The following BBS9 variants were observed in gnomAD, a reference collection of about 807,000 sequenced individuals.
The protein encoded by BBS9 is Bardet-Biedl syndrome 9, also known as protein PTHB1.
BBS9 carries 89 observed loss-of-function variants against 117.7 expected under a neutral mutation model. The ratio of observed to expected loss-of-function variants is 0.76; its 90% confidence interval spans 0.64 to 0.90. The LOEUF (loss-of-function observed/expected upper bound fraction) is 0.90. Ranked by LOEUF, BBS9 falls within the 40% of genes least tolerant of loss-of-function variation. The probability of loss-of-function intolerance (pLI) is 0.00; values close to 1 mark genes in which losing one functional copy is unlikely to be tolerated. For synonymous variants in BBS9, 379 were observed against 370.9 expected, an observed-to-expected ratio of 1.02 and a Z score of -0.25; for missense variants, 982 against 1,042.2, an observed-to-expected ratio of 0.94 and a Z score of 0.80.
At chr7:33,149,380 A>G (rs1767590771) in intron 2 of BBS9, among the ~76,000 whole-genome samples, 1 of 152,218 alleles carries the variant, frequency 6.6e-6, no homozygotes, top group Admixed American at 6.5e-5. Context: ...TTAGGTGATC[A>G]GACAGTGAGA....
chr7:33,442,401 G>T (rs1332770286), intron 19 of BBS9, among the ~76,000 whole-genome samples: 1 of 152,166 alleles, frequency 6.6e-6, no homozygotes, highest in Non-Finnish European at 1.5e-5. Context: ...TAAGTTGTTT[G>T]TAGAATACAG....
At chr7:33,577,526 A>G (rs1859124120) in intron 21 of BBS9, among the ~76,000 whole-genome samples, 1 of 152,226 alleles carries the variant, frequency 6.6e-6, no homozygotes, top group Admixed American at 6.5e-5. Context: ...TAGAAATACC[A>G]TTTGACCCAG....
In BBS9 at chr7:33,341,255, AT is replaced by A. The variant is rs1456501275; in HGVS notation, c.1275+290del. 6.6e-5 allele frequency among the ~76,000 whole-genome samples: 10 copies of A among 151,912 alleles called. 1 individual carries two copies. The East Asian group carries it at 1.4e-3, about 21-fold the overall frequency. On this transcript the variant is annotated intron_variant, in intron 11 of 22. Transcript: ENST00000242067. ...CCTAGTTCTAATCCTACTTAAAAAA[AT>A]TTTTTTTCAAACTTTCTTAGTACCA...
intron 16 of BBS9, among the ~76,000 whole-genome samples, chr7:33,365,012 A>G (rs1006131355): frequency 6.6e-6 from 1 of 151,524 alleles, no homozygotes. Flanking sequence ...TACTGCGCCC[A>G]GCTGTTTTCA....
At chr7:33,500,779 T>C (rs1387615913) in intron 19 of BBS9, among the ~76,000 whole-genome samples, 4 of 152,186 alleles carry the variant, frequency 2.6e-5, no homozygotes, top group Non-Finnish European at 5.9e-5. Context: ...TGCTTTCCTG[T>C]AACCAATTTT....
chr7:33,306,862 C>CT (rs1195204048), intron 9 of BBS9, among the ~76,000 whole-genome samples: 1 of 152,094 alleles, frequency 6.6e-6, no homozygotes, highest in African/African-American at 2.4e-5. Flanking sequence ...CCCTGTGACT[C>CT]TAGCATGATA....
At position 33,257,324 on chromosome 7, in the gene BBS9, C is replaced by A. The variant is rs113518488; in HGVS notation, c.531C>A (p.Gly177=). Residue 177 remains glycine (G), a synonymous_variant, in exon 6 of 23, where the codon GGC becomes GGA. Transcript: ENST00000242067. ...ATGCTTTTGGAAGATTTCTCCCTGG[C>A]TTTCTTCTGCCTGGTCCTCTTGCCT... ...ESYAFGRFLP[G]FLLPGPLAYS... is the part of the protein sequence containing the mutation. 1.4e-4 allele frequency: 222 copies of A among 1,613,832 alleles called. No individual in the cohort carries two copies. In the African/African-American group the frequency reaches 2.7e-3, roughly 19 times the overall value.
chr7:33,449,647 G>A (rs982366613), intron 19 of BBS9, among the ~76,000 whole-genome samples: 1 of 152,140 alleles, frequency 6.6e-6, no homozygotes, highest in South Asian at 2.1e-4. Flanking sequence ...GCATGTATCT[G>A]TGTTAGAGTA....
chr7:33,434,278 TAAAAA>T (rs36043262), intron 19 of BBS9, among the ~76,000 whole-genome samples: 1 of 132,684 alleles, frequency 7.5e-6, no homozygotes, highest in Non-Finnish European at 1.6e-5. Context: ...TCCTGTTTGC[TAAAAA>T]AAAAAAAAAA....
Position 33,177,476 on chromosome 7 carries a change from A to G in BBS9, c.329-2A>G. 6.4e-7 allele frequency: 1 copy of G among 1,565,624 alleles called. No individual in the cohort carries two copies. The highest frequency in any genetic ancestry group is 8.7e-7 in the Non-Finnish European group (1 of 1,147,604). On this transcript the variant is annotated splice_acceptor_variant, in intron 4 of 22. Coordinates refer to ENST00000242067, the MANE Select transcript of BBS9 (RefSeq NM_198428.3). LOFTEE classifies it high-confidence loss of function. ...AAGTAATCCTTTTTTTTTTTTCCTT[A>G]GGAACCTTGGGTAATGTGGAACATG...
chr7:33,251,560 A>G (rs1363337317), intron 5 of BBS9, among the ~76,000 whole-genome samples: 2 of 152,222 alleles, frequency 1.3e-5, no homozygotes, highest in Non-Finnish European at 2.9e-5. Flanking sequence ...AAAATTGTGT[A>G]AACAAAAGCA....
At chr7:33,195,071 T>C (rs1051745420) in intron 5 of BBS9, among the ~76,000 whole-genome samples, 1 of 152,190 alleles carries the variant, frequency 6.6e-6, no homozygotes, top group Middle Eastern at 3.2e-3. Flanking sequence ...TGTTATTTAA[T>C]TGCCTTGCTA....
chr7:33,332,449 C>T (rs1814295066), intron 9 of BBS9, among the ~76,000 whole-genome samples: 1 of 152,144 alleles, frequency 6.6e-6, no homozygotes, highest in Non-Finnish European at 1.5e-5. Flanking sequence ...GAGGCTGAGG[C>T]AGGTGGATCA....
At chr7:33,254,229 ACTTT>A (rs1796666604) in intron 5 of BBS9, among the ~76,000 whole-genome samples, 1 of 151,646 alleles carries the variant, frequency 6.6e-6, no homozygotes, top group Non-Finnish European at 1.5e-5. Flanking sequence ...CTAATTTACC[ACTTT>A]CTTTTTTTCT....
intron 21 of BBS9, among the ~76,000 whole-genome samples, chr7:33,557,538 T>C (rs1160220978): frequency 0.014 from 2 of 146 alleles, no homozygotes; most frequent in African/African-American, 0.067. Context: ...CCCATTTAGT[T>C]TCATTCCTTT....
intron 4 of BBS9, among the ~76,000 whole-genome samples, chr7:33,172,580 C>G (rs1439861170): frequency 6.6e-6 from 1 of 151,900 alleles, no homozygotes; most frequent in Non-Finnish European, 1.5e-5. Flanking sequence ...CTTTATTTAC[C>G]AAATATTATC....
At chr7:33,258,230 A>T (rs1472193006) in intron 6 of BBS9, among the ~76,000 whole-genome samples, 1 of 152,178 alleles carries the variant, frequency 6.6e-6, no homozygotes, top group Non-Finnish European at 1.5e-5. Context: ...GGAAGTTTAA[A>T]CATCTAAGCA....
intron 9 of BBS9, among the ~76,000 whole-genome samples, chr7:33,313,707 C>T (rs2128558405): frequency 6.6e-6 from 1 of 152,294 alleles, no homozygotes; most frequent in South Asian, 2.1e-4. Flanking sequence ...GCCTTGGCTC[C>T]TCCATTTTAC....
At chr7:33,374,022 G>A (rs962668803) in intron 17 of BBS9, among the ~76,000 whole-genome samples, 39 of 152,164 alleles carry the variant, frequency 2.6e-4, no homozygotes, top group African/African-American at 8.0e-4. Context: ...GACATGTTAG[G>A]TATAAACACT....
Sources: allele counts gnomAD v4.1 joint callset (sites outside exome capture counted in the v4.1 genomes callset), GRCh38; gene constraint gnomAD v4.1.1; transcripts MANE v1.5; gene names NCBI Gene and HGNC (gene_info 2026-07-23, HGNC 2026-07-21).